UPF3A: variants seen among roughly 807,000 people sequenced by gnomAD.
The protein encoded by UPF3A is regulator of nonsense transcripts 3A.
UPF3A carries 42 observed loss-of-function variants against 53.5 expected under a neutral mutation model. The observed-to-expected ratio is 0.78, with a 90% CI of 0.61 to 1.01. The LOEUF is 1.01. Among genes scored for constraint, UPF3A ranks in the 50% least tolerant of loss-of-function variants. The pLI, the probability that UPF3A is intolerant of heterozygous loss-of-function variation, is 0.00. For missense variants in UPF3A, 575 were observed against 598.0 expected (o/e 0.96, Z 0.40); for synonymous variants, 237 against 225.3 (o/e 1.05, Z -0.47).
chr13:114,285,636 A>G (rs1459197817), intron 3 of UPF3A: 5 of 152,256 alleles, frequency 3.3e-5, no homozygotes, highest in African/African-American at 7.2e-5. Context: ...CTTAGTGAAC[A>G]TTTCTCTTTG....
At chr13:114,283,414 A>G (rs2084331290) in intron 3 of UPF3A, 1 of 152,318 alleles carries the variant, frequency 6.6e-6, no homozygotes, top group South Asian at 2.1e-4. Context: ...TAAAAATTGA[A>G]ATTATTTAAT....
At chr13:114,300,228 A>G (rs1176989098) in intron 8 of UPF3A, among the ~76,000 whole-genome samples, 1 of 152,230 alleles carries the variant, frequency 6.6e-6, no homozygotes, top group African/African-American at 2.4e-5. Context: ...TTAATCTGCC[A>G]TTATTAAATG....
At chr13:114,304,693 A>G (rs913646581) in intron 9 of UPF3A, 96 bp from the exon 10 acceptor site, 7 of 1,497,550 alleles carry the variant, frequency 4.7e-6, no homozygotes, top group Non-Finnish European at 6.3e-6. Context: ...TTTTCTTTGG[A>G]CAATTCATAT....
In UPF3A at chr13:114,282,147, G is replaced by A. The variant is rs1188101197; in HGVS notation, c.314+20G>A. ...CCTGAGGTGAGGCCCGCCCCGAGGG[G>A]AGGAAGAGAGGGCGGAACCCAGAGC... On this transcript the variant is annotated intron_variant, in intron 2 of 9. Coordinates refer to ENST00000375299, the MANE Select transcript of UPF3A (RefSeq NM_023011.4). 6.5e-7 allele frequency: 1 copy of A among 1,534,510 alleles called. No homozygotes were observed.
At chr13:114,294,212 A>G (rs972354248) in intron 7 of UPF3A, among the ~76,000 whole-genome samples, 2 of 151,930 alleles carry the variant, frequency 1.3e-5, no homozygotes, top group African/African-American at 4.8e-5. Flanking sequence ...AAGGTGTATC[A>G]ACAGCTTAAA....
At position 114,282,145 on chromosome 13, in the gene UPF3A, G is replaced by T. The variant is rs200402300; in HGVS notation, c.314+18G>T. 1.9e-6 allele frequency: 3 copies of T among 1,538,566 alleles called. No homozygotes were observed. Among genetic ancestry groups the T allele is most frequent in the South Asian group, 1.2e-5 (1 of 83,702 alleles). Reference sequence around the variant, plus strand: ...GACCTGAGGTGAGGCCCGCCCCGAGGGGAGGAAGAGAGGGCGGAACCCAGA... The same window carrying T: ...GACCTGAGGTGAGGCCCGCCCCGAGTGGAGGAAGAGAGGGCGGAACCCAGA... On this transcript the variant is annotated intron_variant, in intron 2 of 9. Coordinates refer to ENST00000375299, the MANE Select transcript of UPF3A (RefSeq NM_023011.4).
intron 5 of UPF3A, chr13:114,287,406 A>G (rs1018847883): frequency 6.6e-6 from 1 of 152,262 alleles, no homozygotes; most frequent in South Asian, 2.1e-4. Flanking sequence ...CCTGGCCGAC[A>G]TGGTGAAACC....
chr13:114,294,003 C>T (rs774904763), intron 7 of UPF3A, among the ~76,000 whole-genome samples: 10 of 152,102 alleles, frequency 6.6e-5, no homozygotes, highest in South Asian at 2.1e-4. Context: ...AGGCTGGTCT[C>T]GTACTCTTGG....
intron 7 of UPF3A, among the ~76,000 whole-genome samples, chr13:114,294,944 C>G (rs2085711459): frequency 6.6e-6 from 1 of 151,564 alleles, no homozygotes; most frequent in Non-Finnish European, 1.5e-5. Context: ...AACCCTATCT[C>G]TACTAAAAAT....
intron 7 of UPF3A, among the ~76,000 whole-genome samples, chr13:114,292,796 A>G (rs532094326): frequency 2.0e-5 from 3 of 151,932 alleles, no homozygotes; most frequent in South Asian, 4.2e-4. Flanking sequence ...CACCCTCTAC[A>G]TTTTCCTTTA....
chr13:114,281,979 C>G (rs577002116), intron 1 of UPF3A, 42 bp from the exon 2 acceptor site: 1 of 1,521,752 alleles, frequency 6.6e-7, no homozygotes, highest in African/African-American at 1.4e-5. Flanking sequence ...AGCTCCTTGT[C>G]CACGCTCCGC....
At chr13:114,303,057 G>A (rs956881363) in intron 9 of UPF3A, among the ~76,000 whole-genome samples, 1 of 152,062 alleles carries the variant, frequency 6.6e-6, no homozygotes, top group Non-Finnish European at 1.5e-5. Context: ...CCAAGATGAT[G>A]CCATTGCACT....
At position 114,286,332 on chromosome 13, in the gene UPF3A, C is replaced by T; in HGVS notation, c.452C>T (p.Ala151Val). Residue 151 changes from alanine to valine, a missense_variant, in exon 4 of 10, where the codon GCT (alanine) becomes GTT (valine). By Grantham distance (64) the Ala-to-Val change is moderately conservative. Transcript: ENST00000375299. ...GLEYPAVVEF[A>V]PFQKIAKKKL... ...GAATATCCTGCAGTGGTAGAGTTTG[C>T]TCCATTCCAGAAGATAGCCAAAAAG... 6.2e-7 allele frequency: 1 copy of T among 1,614,102 alleles called. No homozygotes were observed. Among genetic ancestry groups the T allele is most frequent in the Non-Finnish European group, 8.5e-7 (1 of 1,180,012 alleles).
rs1391227155 is a variant in UPF3A, at chr13:114,296,574, G to A, written c.847-2266G>A. Among the ~76,000 whole-genome samples the A allele has an allele frequency of 3.3e-5, 5 of 152,120 alleles. No homozygotes were observed. The East Asian group carries it at 9.6e-4, about 29-fold the overall frequency. On this transcript the variant is annotated intron_variant, in intron 7 of 9. Coordinates refer to ENST00000375299, the MANE Select transcript of UPF3A (RefSeq NM_023011.4). ...AATCGAGAAAACAGTGCCTTTCTGA[G>A]TTCTGTGAGCCATTTCAGCAACTTA...
At chr13:114,289,612 C>T (rs193030175) in intron 5 of UPF3A, among the ~76,000 whole-genome samples, 136 of 151,830 alleles carry the variant, frequency 9.0e-4, no homozygotes, top group African/African-American at 3.1e-3. Context: ...TTCTTCTGCA[C>T]AGGTCTGAGA....
At chr13:114,289,926 G>T (rs74116880) in intron 5 of UPF3A, among the ~76,000 whole-genome samples, 3,529 of 152,278 alleles carry the variant, frequency 0.023, 145 homozygotes, top group African/African-American at 0.081. Context: ...CGGAGTCTGG[G>T]GTCAGCCTCC....
intron 3 of UPF3A, chr13:114,284,011 A>G (rs1356672624): frequency 4.1e-6 from 4 of 985,252 alleles, no homozygotes; most frequent in Non-Finnish European, 4.8e-6. Flanking sequence ...GCTTGAACTG[A>G]CCTTTGTGTT....
intron 3 of UPF3A, chr13:114,285,176 A>G (rs986494365): frequency 2.0e-5 from 3 of 152,276 alleles, no homozygotes. Flanking sequence ...TCCCAGCACC[A>G]GTTGTTGAAA....
intron 5 of UPF3A, chr13:114,287,562 G>T (rs1218422499): frequency 6.6e-6 from 1 of 152,218 alleles, no homozygotes; most frequent in African/African-American, 2.4e-5. Flanking sequence ...CTGCACTCCA[G>T]CCTGGTGACA....
Sources: allele counts gnomAD v4.1 joint callset (sites outside exome capture counted in the v4.1 genomes callset), GRCh38; gene constraint gnomAD v4.1.1; transcripts MANE v1.5; gene names NCBI Gene and HGNC (gene_info 2026-07-23, HGNC 2026-07-21).